GRID1: variants seen among roughly 807,000 people sequenced by gnomAD.
GRID1 encodes the protein glutamate ionotropic receptor delta type subunit 1.
GRID1 carries 28 observed loss-of-function variants against 98.0 expected under a neutral mutation model. The ratio of observed to expected loss-of-function variants is 0.29; its 90% CI spans 0.21 to 0.39. The LOEUF is 0.39. GRID1 is among the 10% of genes least tolerant of loss of function. The pLI is 1.00. For synonymous variants in GRID1, 553 were observed against 538.5 expected (o/e 1.03, Z -0.37); for missense variants, 1,111 against 1,340.5 (o/e 0.83, Z 2.67).
At chr10:85,837,539 G>A (rs1318345476) in intron 8 of GRID1, among the ~76,000 whole-genome samples, 6 of 152,044 alleles carry the variant, frequency 3.9e-5, no homozygotes, top group Non-Finnish European at 7.4e-5. Flanking sequence ...GTTGGGAGCT[G>A]AGCACTGGCC....
chr10:85,731,675 T>A (rs11201755), intron 8 of GRID1, among the ~76,000 whole-genome samples: 58,367 of 150,938 alleles, frequency 0.39, 11,775 homozygotes, highest in African/African-American at 0.52. Context: ...GGTGGCATAC[T>A]CCTGTAGTCC....
intron 3 of GRID1, among the ~76,000 whole-genome samples, chr10:86,203,499 G>A (rs1197512359): frequency 7.4e-6 from 1 of 135,892 alleles, no homozygotes; most frequent in Non-Finnish European, 1.7e-5. Flanking sequence ...GGCTGGGCAT[G>A]AGGGGAAAGC....
In GRID1 at chr10:86,265,364, C is replaced by A. The variant is rs2132058047; in HGVS notation, c.236-58716G>T. On this transcript the variant is annotated intron_variant, in intron 2 of 15. Coordinates refer to ENST00000327946, the MANE Select transcript of GRID1 (RefSeq NM_017551.3). The stretch of plus-strand genomic sequence containing the variant: ...CAGCATTTGATCATTTCAACTGGAC[C>A]CAGCCCTGATAACCTGTGCCAGGCA... Among the ~76,000 whole-genome samples, 3 of 152,360 alleles carry A rather than the reference C, an allele frequency of 2.0e-5. No homozygotes were observed. The South Asian group carries it at 6.2e-4, about 32-fold the overall frequency.
At chr10:85,610,216 T>A (rs1842717351) in intron 15 of GRID1, among the ~76,000 whole-genome samples, 1 of 152,248 alleles carries the variant, frequency 6.6e-6, no homozygotes, top group Admixed American at 6.5e-5. Flanking sequence ...TAGTTCCGGA[T>A]TAAATACCAT....
chr10:86,301,255 C>G (rs946282952), intron 2 of GRID1, among the ~76,000 whole-genome samples: 1 of 152,226 alleles, frequency 6.6e-6, no homozygotes, highest in Non-Finnish European at 1.5e-5. Context: ...CTGGCAGACT[C>G]TAGCTCAGAG....
chr10:86,061,546 T>A (rs1843649384), intron 4 of GRID1, among the ~76,000 whole-genome samples: 1 of 152,158 alleles, frequency 6.6e-6, no homozygotes, highest in Admixed American at 6.6e-5. Context: ...TGAGATGCAG[T>A]CAAGACCCCT....
intron 2 of GRID1, among the ~76,000 whole-genome samples, chr10:86,266,009 C>A (rs1045531029): frequency 9.9e-5 from 15 of 152,092 alleles, no homozygotes; most frequent in Non-Finnish European, 1.9e-4. Flanking sequence ...TCTCTCTGCC[C>A]AGTGACCCCT....
chr10:86,067,415 G>A (rs539901302), intron 4 of GRID1, among the ~76,000 whole-genome samples: 3 of 152,302 alleles, frequency 2.0e-5, no homozygotes, highest in African/African-American at 7.2e-5. Flanking sequence ...AAGGGACTGC[G>A]TAAGTAAAGA....
intron 8 of GRID1, among the ~76,000 whole-genome samples, chr10:85,798,731 T>G (rs1417806854): frequency 6.6e-6 from 1 of 152,162 alleles, no homozygotes; most frequent in Non-Finnish European, 1.5e-5. Context: ...GTTGTTGAGC[T>G]TCTTGTATAT....
At chr10:85,851,008 T>C (rs1352486330) in intron 8 of GRID1, among the ~76,000 whole-genome samples, 1 of 152,144 alleles carries the variant, frequency 6.6e-6, no homozygotes, top group Non-Finnish European at 1.5e-5. Context: ...CTTTGGAAAC[T>C]TAACTACAGG....
intron 8 of GRID1, among the ~76,000 whole-genome samples, chr10:85,736,002 G>A (rs1442686655): frequency 7.1e-6 from 1 of 141,410 alleles, no homozygotes; most frequent in African/African-American, 2.6e-5. Context: ...AGGGAGCAAG[G>A]GAAGGAAGGA....
intron 2 of GRID1, among the ~76,000 whole-genome samples, chr10:86,295,602 C>T (rs181575967): frequency 1.5e-3 from 234 of 152,252 alleles, no homozygotes; most frequent in South Asian, 7.9e-3. Flanking sequence ...GAAGGTCAGA[C>T]GGAGTGGAGA....
At chr10:85,622,698 G>C (rs1386464514) in intron 13 of GRID1, among the ~76,000 whole-genome samples, 1 of 152,192 alleles carries the variant, frequency 6.6e-6, no homozygotes, top group Non-Finnish European at 1.5e-5. Flanking sequence ...TCATGGCATG[G>C]GCTTATGTCT....
chr10:85,865,423 G>T (rs1406828022), intron 6 of GRID1, among the ~76,000 whole-genome samples: 2 of 152,140 alleles, frequency 1.3e-5, no homozygotes, highest in African/African-American at 2.4e-5. Context: ...CAATAGAGAA[G>T]CTAAGGGATG....
At chr10:85,760,544 A>G (rs1000347302) in intron 8 of GRID1, among the ~76,000 whole-genome samples, 4 of 152,194 alleles carry the variant, frequency 2.6e-5, no homozygotes, top group Admixed American at 6.5e-5. Context: ...TAACAACTCA[A>G]CAGAAGTCAC....
At chr10:85,708,125 A>AC (rs554777461) in intron 12 of GRID1, among the ~76,000 whole-genome samples, 11,054 of 127,320 alleles carry the variant, frequency 0.087, 516 homozygotes, top group African/African-American at 0.16. Context: ...AAAAAAAAAA[A>AC]AAAAAACACA....
intron 13 of GRID1, among the ~76,000 whole-genome samples, chr10:85,640,770 A>T (rs182758311): frequency 6.6e-6 from 1 of 152,346 alleles, no homozygotes; most frequent in South Asian, 2.1e-4. Flanking sequence ...AAGCGAATAA[A>T]TGTTGGTGCT....
intron 2 of GRID1, among the ~76,000 whole-genome samples, chr10:86,320,473 T>C (rs1847954492): frequency 6.6e-6 from 1 of 152,098 alleles, no homozygotes; most frequent in African/African-American, 2.4e-5. Context: ...ATGAAATATC[T>C]GGAGTAGTCA....
At chr10:85,617,736 G>A (rs1842808803) in intron 14 of GRID1, among the ~76,000 whole-genome samples, 1 of 152,192 alleles carries the variant, frequency 6.6e-6, no homozygotes, top group African/African-American at 2.4e-5. Context: ...ATCACTACTT[G>A]CCAAAATGAC....
Sources: allele counts gnomAD v4.1 joint callset (sites outside exome capture counted in the v4.1 genomes callset), GRCh38; gene constraint gnomAD v4.1.1; transcripts MANE v1.5; gene names NCBI Gene and HGNC (gene_info 2026-07-23, HGNC 2026-07-21).